The following HSD17B2 variants were observed in gnomAD, a reference collection of about 807,000 sequenced individuals.
The protein encoded by HSD17B2 is hydroxysteroid 17-beta dehydrogenase 2.
HSD17B2 carries 32 observed loss-of-function variants against 26.9 expected under a neutral mutation model. That is an observed-to-expected ratio of 1.19 (90% CI 0.90 to 1.60). The LOEUF (loss-of-function observed/expected upper bound fraction) is 1.60. Ranked by LOEUF, HSD17B2 falls within the 40% of genes most tolerant of loss-of-function variation. The pLI, the probability that HSD17B2 is intolerant of heterozygous loss-of-function variation, is 0.00. For missense variants in HSD17B2, 613 were observed against 468.6 expected, an observed-to-expected ratio of 1.31 and a Z score of -2.85; for synonymous variants, 246 against 186.7, an observed-to-expected ratio of 1.32 and a Z score of -2.59.
chr16:82,046,880 C>T (rs943102139), intron 1 of HSD17B2, among the ~76,000 whole-genome samples: 1 of 152,140 alleles, frequency 6.6e-6, no homozygotes, highest in Non-Finnish European at 1.5e-5. Flanking sequence ...AAGTAATTGG[C>T]AGTGCTGGAA....
rs1402570396 is a variant in HSD17B2, at chr16:82,089,923, C to T, written c.665-979C>T. Among the ~76,000 whole-genome samples the T allele has an allele frequency of 2.0e-5, 3 of 152,274 alleles. No homozygotes were observed. The East Asian group carries it at 5.8e-4, about 29-fold the overall frequency. ...TTATTCCAAGTGGATCACTCCCTTTCTTGGCTTCCTTTGATCTTGCCTTCC... is the reference window on the plus strand; with the variant it reads ...TTATTCCAAGTGGATCACTCCCTTTTTTGGCTTCCTTTGATCTTGCCTTCC... On this transcript the variant is annotated intron_variant, in intron 3 of 4. Coordinates refer to ENST00000199936, the MANE Select transcript of HSD17B2 (RefSeq NM_002153.3).
intron 1 of HSD17B2, among the ~76,000 whole-genome samples, chr16:82,037,162 C>A (rs1466726202): frequency 6.6e-6 from 1 of 152,202 alleles, no homozygotes; most frequent in Non-Finnish European, 1.5e-5. Flanking sequence ...AGCTCAAGGA[C>A]TAATCCCTGC....
intron 3 of HSD17B2, among the ~76,000 whole-genome samples, chr16:82,081,415 G>A (rs1055825113): frequency 6.6e-6 from 1 of 152,144 alleles, no homozygotes; most frequent in Non-Finnish European, 1.5e-5. Flanking sequence ...TATGCTCTAA[G>A]GATGATTCCT....
chr16:82,062,737 G>T (rs571474812), intron 1 of HSD17B2, among the ~76,000 whole-genome samples: 1 of 152,156 alleles, frequency 6.6e-6, no homozygotes, highest in African/African-American at 2.4e-5. Context: ...TCCATACTTG[G>T]TGTGCTTATT....
In HSD17B2 at chr16:82,035,265, T is replaced by A. The variant is rs1045792829; in HGVS notation, c.-160T>A. The A allele has an allele frequency of 4.8e-6, 3 of 630,118 alleles. No individual in the cohort carries two copies. The highest frequency in any genetic ancestry group is 5.9e-5 in the Admixed American group (2 of 33,964). 39.0% of individuals were successfully genotyped at this position (630,118 alleles called of 1,614,324 possible). On this transcript the variant is annotated 5_prime_UTR_variant, in exon 1 of 5. Coordinates refer to ENST00000199936, the MANE Select transcript of HSD17B2 (RefSeq NM_002153.3). ...ACTGGTTTAAATTACCCACTGGGAA[T>A]ATGATTATGCTTAATCTATGCTCAG...
intron 1 of HSD17B2, among the ~76,000 whole-genome samples, chr16:82,052,069 A>C (rs917983097): frequency 2.0e-5 from 3 of 152,202 alleles, no homozygotes; most frequent in Non-Finnish European, 2.9e-5. Flanking sequence ...TCAGGAAATA[A>C]TGTCTGTGCG....
In HSD17B2 at chr16:82,090,910, C is replaced by A. The variant is rs1466800933; in HGVS notation, c.673C>A (p.Pro225Thr). ...VNVSSMGGGA[P>T]MERLASYGSS... ...TCCCATTATTCCCATAGGAGGGGCCCCAATGGAAAGGCTGGCATCTTATGG... is the reference window on the plus strand; with the variant it reads ...TCCCATTATTCCCATAGGAGGGGCCACAATGGAAAGGCTGGCATCTTATGG... Residue 225 changes from proline to threonine, a missense_variant, in exon 4 of 5, where the codon CCA becomes ACA. By Grantham distance (38) the Pro-to-Thr change is conservative. Transcript: ENST00000199936. 2 of 1,611,226 alleles carry A rather than the reference C, an allele frequency of 1.2e-6. No homozygotes were observed. Among genetic ancestry groups the A allele is most frequent in the Non-Finnish European group, 1.7e-6 (2 of 1,178,852 alleles).
chr16:82,046,825 T>C (rs1279418715), intron 1 of HSD17B2, among the ~76,000 whole-genome samples: 1 of 152,156 alleles, frequency 6.6e-6, no homozygotes, highest in African/African-American at 2.4e-5. Context: ...GATGAAGAAA[T>C]TGAGGTTTTT....
chr16:82,045,708 G>C (rs777371669), intron 1 of HSD17B2, among the ~76,000 whole-genome samples: 6 of 152,352 alleles, frequency 3.9e-5, no homozygotes, highest in East Asian at 3.9e-4. Flanking sequence ...TTTTGTAGCA[G>C]ACTTGCTTTG....
intron 2 of HSD17B2, among the ~76,000 whole-genome samples, chr16:82,069,786 G>C (rs552613385): frequency 6.6e-6 from 1 of 152,256 alleles, no homozygotes; most frequent in South Asian, 2.1e-4. Flanking sequence ...ATGAAAACAT[G>C]GGGCCCCTAG....
At chr16:82,044,753 C>A (rs1421002131) in intron 1 of HSD17B2, 1 of 152,236 alleles carries the variant, frequency 6.6e-6, no homozygotes. Context: ...ACACTGAAAG[C>A]TATCCCTCCA....
At chr16:82,097,957 A>AAAATAAAT in intron 4 of HSD17B2, 118 bp from the exon 5 acceptor site, 4 of 929,534 alleles carry the variant, frequency 4.3e-6, no homozygotes, top group South Asian at 5.4e-5. Flanking sequence ...AAAAAATAAA[A>AAAATAAAT]AAATAAATAA....
intron 3 of HSD17B2, among the ~76,000 whole-genome samples, chr16:82,090,522 T>C (rs1424427900): frequency 6.6e-6 from 1 of 152,026 alleles, no homozygotes; most frequent in Non-Finnish European, 1.5e-5. Flanking sequence ...CTTCACCATG[T>C]TGGCCAGGTT....
chr16:82,093,215 C>T (rs1904743160), intron 4 of HSD17B2: 1 of 152,172 alleles, frequency 6.6e-6, no homozygotes, highest in Admixed American at 6.5e-5. Flanking sequence ...GATCCTCTAC[C>T]ATCACAGCCC....
chr16:82,053,832 C>T (rs1426115015), intron 1 of HSD17B2, among the ~76,000 whole-genome samples: 1 of 152,198 alleles, frequency 6.6e-6, no homozygotes, highest in Non-Finnish European at 1.5e-5. Flanking sequence ...TGGTACTGGA[C>T]TGGTAGAGCA....
intron 1 of HSD17B2, among the ~76,000 whole-genome samples, chr16:82,053,256 G>C (rs1305180059): frequency 1.3e-5 from 2 of 152,146 alleles, no homozygotes. Context: ...GGTGATCAGA[G>C]TCACCTAGAC....
intron 3 of HSD17B2, among the ~76,000 whole-genome samples, chr16:82,080,597 C>T (rs1366654764): frequency 6.6e-6 from 1 of 152,172 alleles, no homozygotes; most frequent in African/African-American, 2.4e-5. Flanking sequence ...ATGTTTAAGC[C>T]ACTAGGTTTG....
In HSD17B2 at chr16:82,090,928, T is replaced by C. The variant is rs775896285; in HGVS notation, c.691T>C (p.Ser231Pro). 2.5e-6 allele frequency: 4 copies of C among 1,613,820 alleles called. No individual in the cohort carries two copies. Among genetic ancestry groups the C allele is most frequent in the East Asian group, 4.5e-5 (2 of 44,890 alleles). Residue 231 changes from serine to proline, a missense_variant, in exon 4 of 5, where the codon TCT becomes CCT. Transcript: ENST00000199936. ...AGGGGCCCCAATGGAAAGGCTGGCA[T>C]CTTATGGCTCATCAAAGGCGGCTGT... Reference protein sequence around the residue: ...GGGAPMERLASYGSSKAAVTM... With the variant: ...GGGAPMERLAPYGSSKAAVTM...
chr16:82,080,444 A>G (rs1326784572), intron 3 of HSD17B2, among the ~76,000 whole-genome samples: 1 of 152,198 alleles, frequency 6.6e-6, no homozygotes, highest in Non-Finnish European at 1.5e-5. Context: ...GGCTTTGAAG[A>G]TAGAGGAAGG....
Sources: allele counts gnomAD v4.1 joint callset (sites outside exome capture counted in the v4.1 genomes callset), GRCh38; gene constraint gnomAD v4.1.1; transcripts MANE v1.5; gene names NCBI Gene and HGNC (gene_info 2026-07-23, HGNC 2026-07-21).